Variants in ITM2B observed in about 807,000 individuals in gnomAD.
ITM2B encodes the protein ABri/ADan amyloid peptide.
Under a neutral mutation model 27.8 loss-of-function variants are expected in ITM2B, and 11 were observed. That is an observed-to-expected ratio of 0.40 (90% CI 0.25 to 0.66). The LOEUF (loss-of-function observed/expected upper bound fraction) is 0.66, where lower values mean the gene tolerates loss of function less well. Among genes scored for constraint, ITM2B ranks in the 30% least tolerant of loss-of-function variants. The pLI, the probability that ITM2B is intolerant of heterozygous loss-of-function variation, is 0.43. For missense variants in ITM2B, 296 were observed against 328.9 expected, an observed-to-expected ratio of 0.90 and a Z score of 0.77; for synonymous variants, 114 against 114.3, an observed-to-expected ratio of 1.00 and a Z score of 0.02.
intron 1 of ITM2B, among the ~76,000 whole-genome samples, chr13:48,252,417 C>A (rs185640842): frequency 6.6e-6 from 1 of 152,170 alleles, no homozygotes; most frequent in Non-Finnish European, 1.5e-5. Flanking sequence ...CTCAGATCAG[C>A]GGGGGCATTA....
At chr13:48,252,680 T>C (rs959306843) in intron 1 of ITM2B, among the ~76,000 whole-genome samples, 5 of 152,240 alleles carry the variant, frequency 3.3e-5, no homozygotes, top group African/African-American at 7.2e-5. Context: ...ATAGTTTTTC[T>C]TTCTAATTTT....
chr13:48,256,132 T>A, intron 2 of ITM2B, 45 bp from the exon 3 acceptor site: 2 of 1,403,786 alleles, frequency 1.4e-6, no homozygotes, highest in Non-Finnish European at 2.0e-6. Flanking sequence ...TTTAAAAACC[T>A]GTCTCATGCT....
chr13:48,241,172 A>G (rs1313735995), intron 1 of ITM2B, among the ~76,000 whole-genome samples: 16 of 152,152 alleles, frequency 1.1e-4, no homozygotes, highest in Non-Finnish European at 1.2e-4. Flanking sequence ...CCAACCATAC[A>G]TGGCGATCTT....
chr13:48,242,183 G>T (rs1281277350), intron 1 of ITM2B, among the ~76,000 whole-genome samples: 1 of 152,094 alleles, frequency 6.6e-6, no homozygotes, highest in African/African-American at 2.4e-5. Context: ...ATAAACATTA[G>T]TTACATTTGA....
rs917214933 is a variant in ITM2B, at chr13:48,264,353, TAC to T, written c.*3133_*3134del. The T allele has an allele frequency of 2.0e-5, 3 of 152,136 alleles. No homozygotes were observed. Among genetic ancestry groups the T allele is most frequent in the African/African-American group, 7.2e-5 (3 of 41,436 alleles). 9.4% of individuals were successfully genotyped at this position (152,136 alleles called of 1,614,324 possible). Reference sequence around the variant, plus strand: ...TAGTGAGAAGCAAGAAAAAAAAATGTACACAGTGTCCTAAATGTTGTTTATCT... The same window carrying T: ...TAGTGAGAAGCAAGAAAAAAAAATGTACAGTGTCCTAAATGTTGTTTATCT... On this transcript the variant is annotated 3_prime_UTR_variant, in exon 6 of 6. Coordinates refer to ENST00000647800, the MANE Select transcript of ITM2B (RefSeq NM_021999.5).
intron 5 of ITM2B, among the ~76,000 whole-genome samples, chr13:48,259,287 G>C (rs1050216751): frequency 2.6e-5 from 4 of 152,174 alleles, no homozygotes; most frequent in Non-Finnish European, 4.4e-5. Flanking sequence ...CTTGGGACCA[G>C]CTCTTCAGCT....
At position 48,266,122 on chromosome 13, in the gene ITM2B, C is replaced by T. The variant is rs1593399711; in HGVS notation, c.*4898C>T. On this transcript the variant is annotated 3_prime_UTR_variant, in exon 6 of 6. Transcript: ENST00000647800. ...TGACTTTCTCCTCAGATCTCATCCCCATGGGTCTGAGTGAGTTGCCTTGAA... is the reference window on the plus strand; with the variant it reads ...TGACTTTCTCCTCAGATCTCATCCCTATGGGTCTGAGTGAGTTGCCTTGAA... 6.6e-6 allele frequency: 1 copy of T among 152,266 alleles called. No individual in the cohort carries two copies. Among genetic ancestry groups the T allele is most frequent in the East Asian group, 1.9e-4 (1 of 5,182 alleles). 9.4% of individuals were successfully genotyped at this position (152,266 alleles called of 1,614,324 possible). A position where few individuals can be genotyped will look rare whatever the true frequency, so the allele number is the denominator to read the frequency against.
rs1351989874 is a variant in ITM2B at position 48,242,103 on chromosome 13, A to G, written c.117+8626A>G. On this transcript the variant is annotated intron_variant, in intron 1 of 5. Coordinates refer to ENST00000647800, the MANE Select transcript of ITM2B (RefSeq NM_021999.5). ...TTTTCTGAATATTTACACACTGCAC[A>G]CATGATCTCTTCTCCTGTTCTAGCA... Among the ~76,000 whole-genome samples the G allele has an allele frequency of 4.6e-5, 7 of 152,228 alleles. No individual in the cohort carries two copies. In the East Asian group the frequency reaches 7.7e-4, roughly 17 times the overall value.
chr13:48,241,219 T>A (rs1951698279), intron 1 of ITM2B, among the ~76,000 whole-genome samples: 1 of 152,148 alleles, frequency 6.6e-6, no homozygotes, highest in Non-Finnish European at 1.5e-5. Flanking sequence ...CAGTAGGGCG[T>A]GGTGCGGCGG....
At chr13:48,238,290 G>T (rs1236900462) in intron 1 of ITM2B, among the ~76,000 whole-genome samples, 1 of 152,076 alleles carries the variant, frequency 6.6e-6, no homozygotes, top group Non-Finnish European at 1.5e-5. Context: ...CATTTTATAA[G>T]TGTTATCAAC....
intron 1 of ITM2B, among the ~76,000 whole-genome samples, chr13:48,237,903 A>G (rs1228532185): frequency 6.6e-6 from 1 of 152,240 alleles, no homozygotes; most frequent in African/African-American, 2.4e-5. Context: ...AGACTCAGAA[A>G]AAAAAATCTT....
rs1951841099 is a variant in ITM2B, at chr13:48,264,481, G to C, written c.*3257G>C. The C allele has an allele frequency of 6.6e-6, 1 of 152,154 alleles. No homozygotes were observed. Among genetic ancestry groups the C allele is most frequent in the South Asian group, 2.1e-4 (1 of 4,830 alleles). 9.4% of individuals were successfully genotyped at this position (152,154 alleles called of 1,614,324 possible). A position where few individuals can be genotyped will look rare whatever the true frequency, so the allele number is the denominator to read the frequency against. ...TAGAAAAGGTCTAGATTCTATGTTT[G>C]AATGTGGTTATGAATTAATATGGGC... On this transcript the variant is annotated 3_prime_UTR_variant, in exon 6 of 6. Coordinates refer to ENST00000647800, the MANE Select transcript of ITM2B (RefSeq NM_021999.5).
chr13:48,233,478 G>T lies in ITM2B; in HGVS notation c.117+1G>T. Reference sequence around the variant, plus strand: ...CGACGCCGTCGCGGTGGACTGCAAGGTCCGAGCCCGGGGAGGTCGAGGAAG... The same window carrying T: ...CGACGCCGTCGCGGTGGACTGCAAGTTCCGAGCCCGGGGAGGTCGAGGAAG... On this transcript the variant is annotated splice_donor_variant, in intron 1 of 5. Coordinates refer to ENST00000647800, the MANE Select transcript of ITM2B (RefSeq NM_021999.5). LOFTEE classifies it high-confidence loss of function. The T allele has an allele frequency of 6.6e-7, 1 of 1,519,996 alleles. No individual in the cohort carries two copies. Among genetic ancestry groups the T allele is most frequent in the Non-Finnish European group, 8.8e-7 (1 of 1,133,358 alleles). The allele number at this position is 1,519,996 out of a possible 1,614,324, so 94.2% of individuals were successfully genotyped here.
At chr13:48,249,031 C>T (rs1384263284) in intron 1 of ITM2B, among the ~76,000 whole-genome samples, 2 of 152,118 alleles carry the variant, frequency 1.3e-5, no homozygotes, top group South Asian at 2.1e-4. Flanking sequence ...TGGAATAAAA[C>T]TCCTGCATTT....
rs1163385502 is a variant in ITM2B, at chr13:48,265,095, A to G, written c.*3871A>G. On this transcript the variant is annotated 3_prime_UTR_variant, in exon 6 of 6. Coordinates refer to ENST00000647800, the MANE Select transcript of ITM2B (RefSeq NM_021999.5). The stretch of plus-strand genomic sequence containing the variant: ...TAATCCTAGCTTCCTCCCACTTAAA[A>G]TAATTTGATGGGACTTCTGTATCTG... 6.6e-6 allele frequency: 1 copy of G among 152,158 alleles called. No individual in the cohort carries two copies. Among genetic ancestry groups the G allele is most frequent in the Non-Finnish European group, 1.5e-5 (1 of 68,032 alleles). The allele number at this position is 152,158 out of a possible 1,614,324, so 9.4% of individuals were successfully genotyped here.
intron 1 of ITM2B, among the ~76,000 whole-genome samples, chr13:48,242,312 T>C (rs1277154558): frequency 2.0e-5 from 3 of 152,300 alleles, no homozygotes; most frequent in Non-Finnish European, 4.4e-5. Flanking sequence ...ACATACTTAC[T>C]GCTCATTCAT....
rs1042676177 is a variant in ITM2B at position 48,266,031 on chromosome 13, C to T, written c.*4807C>T. The T allele has an allele frequency of 6.6e-6, 1 of 152,140 alleles. No individual in the cohort carries two copies. Among genetic ancestry groups the T allele is most frequent in the African/African-American group, 2.4e-5 (1 of 41,424 alleles). The allele number at this position is 152,140 out of a possible 1,614,324, so 9.4% of individuals were successfully genotyped here. On this transcript the variant is annotated 3_prime_UTR_variant, in exon 6 of 6. Coordinates refer to ENST00000647800, the MANE Select transcript of ITM2B (RefSeq NM_021999.5). The stretch of plus-strand genomic sequence containing the variant: ...TATTGAATGAATGAATGATTCCTTC[C>T]CGTACCACCCTAGTCTTGCCCACTG...
Position 48,233,384 on chromosome 13 carries a change from C to A in ITM2B, c.24C>A (p.Ser8=). The change falls in exon 1 of 6, where the codon TCC becomes TCA. Residue 8 remains serine, a synonymous_variant. Transcript: ENST00000647800. ...CCATGGTGAAGGTGACGTTCAACTC[C>A]GCTCTGGCCCAGAAGGAGGCCAAGA... MVKVTFN[S]ALAQKEAKKD... The A allele has an allele frequency of 6.4e-7, 1 of 1,564,684 alleles. No individual in the cohort carries two copies. Among genetic ancestry groups the A allele is most frequent in the East Asian group, 2.5e-5 (1 of 40,466 alleles).
chr13:48,259,330 G>C (rs1312127359), intron 5 of ITM2B, among the ~76,000 whole-genome samples: 1 of 152,170 alleles, frequency 6.6e-6, no homozygotes, highest in Non-Finnish European at 1.5e-5. Flanking sequence ...TAAGCAGGCT[G>C]TTTGCCTTTT....
Sources: gnomAD v4.1 joint callset for allele counts (sites outside exome capture counted in the v4.1 genomes callset) on GRCh38, gnomAD v4.1.1 for gene constraint, MANE v1.5 for transcripts, NCBI Gene and HGNC (gene_info 2026-07-23, HGNC 2026-07-21) for gene names.